The following NUP98 variants were observed in gnomAD, a reference collection of about 807,000 sequenced individuals.
The protein encoded by NUP98 is nucleoporin 98 and 96 precursor.
NUP98 carries 26 observed loss-of-function variants against 191.9 expected under a neutral mutation model. That is an observed-to-expected ratio of 0.14 (90% confidence interval 0.10 to 0.19). NUP98 has a LOEUF of 0.19. Ranked by LOEUF, NUP98 falls within the 10% of genes least tolerant of loss-of-function variation. NUP98 has a pLI of 1.00. For synonymous variants in NUP98, 808 were observed against 778.4 expected (o/e 1.04, Z -0.63); for missense variants, 1,941 against 2,178.8 (o/e 0.89, Z 2.17).
intron 20 of NUP98, among the ~76,000 whole-genome samples, chr11:3,711,201 C>T (rs1005545588): frequency 3.3e-5 from 5 of 151,818 alleles, no homozygotes; most frequent in African/African-American, 1.2e-4. Context: ...GCCGAGACTG[C>T]ACCAGTGCAC....
Position 3,779,064 on chromosome 11 carries a change from A to G in NUP98, c.179-15T>C, listed in dbSNP as rs1320698641. The G allele has an allele frequency of 2.5e-6, 4 of 1,614,054 alleles. No homozygotes were observed. The highest frequency in any genetic ancestry group is 2.5e-6 in the Non-Finnish European group (3 of 1,179,944). On this transcript the variant is annotated splice_polypyrimidine_tract_variant and intron_variant, in intron 3 of 32. Transcript: ENST00000324932. ...AAACAATCCTCCTGAGGAGATGGAGAAGGAGGGAAAAAGTTAAGTACATCA... is the reference window on the plus strand; with the variant it reads ...AAACAATCCTCCTGAGGAGATGGAGGAGGAGGGAAAAAGTTAAGTACATCA...
chr11:3,768,435 A>C, intron 8 of NUP98, 146 bp downstream of exon 8: 2 of 770,392 alleles, frequency 2.6e-6, no homozygotes, highest in Middle Eastern at 4.3e-4. Flanking sequence ...AAAAAAAAAA[A>C]AACTTTGTTC....
rs968724940 is a variant in NUP98 at position 3,748,210 on chromosome 11, G to T, written c.1268-3561C>A. On this transcript the variant is annotated intron_variant, in intron 11 of 32. Transcript: ENST00000324932. ...GAATTATAGAGTCTTGGAATATGGG[G>T]GAAGACATTGCTAATCATAACCTAC... is the stretch of plus-strand genomic sequence containing the variant. 3.3e-5 allele frequency among the ~76,000 whole-genome samples: 5 copies of T among 152,114 alleles called. No homozygotes were observed. In the East Asian group the frequency reaches 9.6e-4, roughly 29 times the overall value.
At chr11:3,739,296 C>G (rs889424930) in intron 12 of NUP98, among the ~76,000 whole-genome samples, 1 of 152,148 alleles carries the variant, frequency 6.6e-6, no homozygotes, top group African/African-American at 2.4e-5. Context: ...GTCACTCAGG[C>G]TGGAGCGCAG....
intron 12 of NUP98, among the ~76,000 whole-genome samples, chr11:3,735,704 C>T (rs1265893560): frequency 6.6e-6 from 1 of 150,632 alleles, no homozygotes; most frequent in East Asian, 1.9e-4. Context: ...ACATTATAGA[C>T]TGGTTTGTCT....
At chr11:3,780,250 G>A (rs1193777951) in intron 2 of NUP98, among the ~76,000 whole-genome samples, 2 of 151,600 alleles carry the variant, frequency 1.3e-5, no homozygotes, top group African/African-American at 4.8e-5. Flanking sequence ...TGCCAGGTGC[G>A]GGGAAGTTAC....
intron 7 of NUP98, 124 bp downstream of exon 7, chr11:3,771,624 T>C (rs1426058329): frequency 3.8e-6 from 3 of 788,716 alleles, no homozygotes; most frequent in Non-Finnish European, 6.1e-6. Flanking sequence ...CATTCCTCCC[T>C]ATTCCTATGG....
At chr11:3,712,349 TC>T (rs1207236653) in intron 20 of NUP98, 1 of 1,370,222 alleles carries the variant, frequency 7.3e-7, no homozygotes, top group East Asian at 2.7e-5. Flanking sequence ...AGAGGAATAA[TC>T]CAAACAGCAA....
chr11:3,706,891 A>G (rs1478639918), intron 20 of NUP98, among the ~76,000 whole-genome samples: 1 of 152,240 alleles, frequency 6.6e-6, no homozygotes, highest in Admixed American at 6.5e-5. Flanking sequence ...ACCAGCACCC[A>G]TGGTGAAACA....
chr11:3,723,701 AT>A (rs1303927543), intron 15 of NUP98, among the ~76,000 whole-genome samples: 4 of 151,970 alleles, frequency 2.6e-5, no homozygotes, highest in African/African-American at 4.8e-5. Context: ...AAAATGTTAG[AT>A]TTTTAAGATT....
chr11:3,699,604 G>A (rs1252189279), intron 24 of NUP98, among the ~76,000 whole-genome samples: 1 of 152,168 alleles, frequency 6.6e-6, no homozygotes, highest in Non-Finnish European at 1.5e-5. Flanking sequence ...CGTTAAACAG[G>A]TTCCCCAAGC....
At chr11:3,751,778 G>A (rs973609299) in intron 11 of NUP98, among the ~76,000 whole-genome samples, 2 of 152,024 alleles carry the variant, frequency 1.3e-5, no homozygotes, top group African/African-American at 4.8e-5. Flanking sequence ...AGGATGGTTT[G>A]AGCCTGGGAG....
intron 12 of NUP98, among the ~76,000 whole-genome samples, chr11:3,740,516 CAA>C (rs747869167): frequency 6.2e-5 from 8 of 128,670 alleles, no homozygotes; most frequent in Non-Finnish European, 8.3e-5. Flanking sequence ...GACTCTGTCT[CAA>C]AAAAAAAAAA....
chr11:3,684,766 C>CAAAAAAAAA (rs71041370), intron 29 of NUP98, among the ~76,000 whole-genome samples: 25 of 101,810 alleles, frequency 2.5e-4, no homozygotes, highest in African/African-American at 6.2e-4. Context: ...TTTCACAGGC[C>CAAAAAAAAA]AAAAAAAAAA....
intron 17 of NUP98, among the ~76,000 whole-genome samples, chr11:3,720,122 C>T (rs908439237): frequency 6.6e-6 from 1 of 152,108 alleles, no homozygotes; most frequent in Non-Finnish European, 1.5e-5. Context: ...AATCTCTTCC[C>T]ATTTATCTAT....
chr11:3,791,240 G>A (rs1222278149), intron 1 of NUP98, among the ~76,000 whole-genome samples: 1 of 151,912 alleles, frequency 6.6e-6, no homozygotes, highest in Admixed American at 6.6e-5. Flanking sequence ...TGGTTATTAA[G>A]ATTTGGTACT....
chr11:3,724,232 G>A (rs1437375049), intron 15 of NUP98, among the ~76,000 whole-genome samples: 8 of 151,712 alleles, frequency 5.3e-5, no homozygotes, highest in East Asian at 1.9e-4. Flanking sequence ...AGGAGTTCAA[G>A]ACCAGCTTGA....
chr11:3,707,880 C>A (rs2078911152), intron 20 of NUP98, among the ~76,000 whole-genome samples: 1 of 152,020 alleles, frequency 6.6e-6, no homozygotes, highest in African/African-American at 2.4e-5. Context: ...GTGAGTGGAT[C>A]ACCTGAGGTC....
intron 12 of NUP98, among the ~76,000 whole-genome samples, chr11:3,743,759 G>A (rs1479781387): frequency 4.6e-5 from 7 of 151,128 alleles, no homozygotes; most frequent in Non-Finnish European, 8.8e-5. Flanking sequence ...AATGAAGTAT[G>A]AAAAACACCT....
Sources: allele counts gnomAD v4.1 joint callset (sites outside exome capture counted in the v4.1 genomes callset), GRCh38; gene constraint gnomAD v4.1.1; transcripts MANE v1.5; gene names NCBI Gene and HGNC (gene_info 2026-07-23, HGNC 2026-07-21).